The following CEP112 variants were observed in gnomAD, a reference collection of about 807,000 sequenced individuals.
CEP112 encodes centrosomal protein of 112 kDa.
CEP112 carries 127 observed loss-of-function variants against 153.0 expected under a neutral mutation model. The observed-to-expected ratio is 0.83, with a 90% CI of 0.72 to 0.96. The LOEUF (loss-of-function observed/expected upper bound fraction) is 0.96, where lower values mean the gene tolerates loss of function less well. CEP112 is among the 40% of genes least tolerant of loss of function. The pLI is 0.00. For synonymous variants in CEP112, 358 were observed against 374.4 expected, an observed-to-expected ratio of 0.96 and a Z score of 0.51; for missense variants, 1,089 against 1,101.2, an observed-to-expected ratio of 0.99 and a Z score of 0.16.
chr17:65,979,588 AATT>A (rs1217072160), intron 17 of CEP112, among the ~76,000 whole-genome samples: 2 of 152,116 alleles, frequency 1.3e-5, no homozygotes, highest in East Asian at 3.8e-4. Context: ...GTATCACACA[AATT>A]ATTATATCAA....
chr17:65,996,226 T>C (rs1327384261), intron 17 of CEP112, among the ~76,000 whole-genome samples: 1 of 151,456 alleles, frequency 6.6e-6, no homozygotes, highest in African/African-American at 2.4e-5. Flanking sequence ...ATTTGTATCT[T>C]TATAAATCAT....
At chr17:65,893,592 A>G (rs1232234280) in intron 20 of CEP112, among the ~76,000 whole-genome samples, 2 of 152,144 alleles carry the variant, frequency 1.3e-5, no homozygotes, top group African/African-American at 4.8e-5. Flanking sequence ...ACACTAACCT[A>G]CTGATTCAAT....
At chr17:66,136,619 T>A (rs2070446809) in intron 4 of CEP112, among the ~76,000 whole-genome samples, 1 of 152,164 alleles carries the variant, frequency 6.6e-6, no homozygotes, top group African/African-American at 2.4e-5. Context: ...CTTGAAGCAC[T>A]GGTGGGACGC....
chr17:65,672,531 T>C (rs147134070), intron 24 of CEP112, among the ~76,000 whole-genome samples: 49 of 152,354 alleles, frequency 3.2e-4, no homozygotes, highest in Middle Eastern at 3.4e-3. Flanking sequence ...ATTAGTACTC[T>C]TCAGAAAGGT....
chr17:65,853,242 G>C (rs547307216), intron 20 of CEP112, among the ~76,000 whole-genome samples: 1 of 152,112 alleles, frequency 6.6e-6, no homozygotes, highest in African/African-American at 2.4e-5. Flanking sequence ...CTAGCTTCTG[G>C]TATTTCCTGA....
chr17:65,848,810 T>G lies in CEP112; in HGVS notation c.2394+2994A>C, dbSNP rs557753071. On this transcript the variant is annotated intron_variant, in intron 21 of 26. Coordinates refer to ENST00000535342, the MANE Select transcript of CEP112 (RefSeq NM_001199165.4). ...ATCGATTTATATTTAACCAACCTAA[T>G]CAGTGCTATCTCTATGATGATTTTC... Among the ~76,000 whole-genome samples, 4 of 152,316 alleles carry G rather than the reference T, an allele frequency of 2.6e-5. No individual in the cohort carries two copies. The East Asian group carries it at 7.7e-4, about 29-fold the overall frequency.
intron 22 of CEP112, among the ~76,000 whole-genome samples, chr17:65,749,637 C>T (rs2051695128): frequency 1.3e-5 from 2 of 152,296 alleles, no homozygotes; most frequent in South Asian, 4.2e-4. Flanking sequence ...CACTTGCCAA[C>T]TTGTGTGATC....
intron 20 of CEP112, among the ~76,000 whole-genome samples, chr17:65,854,915 T>C (rs1489374107): frequency 6.6e-6 from 1 of 152,176 alleles, no homozygotes; most frequent in East Asian, 1.9e-4. Flanking sequence ...AGATAGACTT[T>C]AGCAGTGACA....
At chr17:66,101,092 T>C (rs2068550622) in intron 6 of CEP112, among the ~76,000 whole-genome samples, 1 of 152,110 alleles carries the variant, frequency 6.6e-6, no homozygotes, top group African/African-American at 2.4e-5. Context: ...GAGTATAATA[T>C]AAAAGTCCAA....
chr17:65,847,260 T>C (rs755031264), intron 21 of CEP112, among the ~76,000 whole-genome samples: 1 of 152,188 alleles, frequency 6.6e-6, no homozygotes, highest in Non-Finnish European at 1.5e-5. Context: ...CTGGGATCCC[T>C]TGTGTTCTCA....
chr17:65,893,731 T>A (rs1267331213), intron 20 of CEP112, among the ~76,000 whole-genome samples: 3 of 152,158 alleles, frequency 2.0e-5, no homozygotes, highest in Non-Finnish European at 2.9e-5. Flanking sequence ...CATACAGTGC[T>A]GTGTTCTCTT....
At chr17:65,681,737 A>C (rs2047541794) in intron 24 of CEP112, among the ~76,000 whole-genome samples, 1 of 146,718 alleles carries the variant, frequency 6.8e-6, no homozygotes, top group South Asian at 2.2e-4. Flanking sequence ...ACAGTGGTGC[A>C]ATCTTGGCTC....
chr17:65,725,780 G>A (rs762316859), intron 23 of CEP112, among the ~76,000 whole-genome samples: 5 of 152,154 alleles, frequency 3.3e-5, no homozygotes, highest in South Asian at 2.1e-4. Context: ...ATTAGATCTT[G>A]TGAGACTTAT....
At chr17:65,820,862 A>T (rs1338612634) in intron 21 of CEP112, among the ~76,000 whole-genome samples, 1 of 152,130 alleles carries the variant, frequency 6.6e-6, no homozygotes. Flanking sequence ...TAACATAAGC[A>T]ATTGTCACAA....
intron 10 of CEP112, among the ~76,000 whole-genome samples, 200 bp from the exon 11 acceptor site, chr17:66,063,281 T>C (rs1348155581): frequency 1.3e-5 from 2 of 152,212 alleles, no homozygotes; most frequent in East Asian, 1.9e-4. Context: ...TCATCATTAC[T>C]GGCTCCCTAG....
chr17:66,076,700 C>T (rs149619201), intron 8 of CEP112, among the ~76,000 whole-genome samples: 84 of 152,284 alleles, frequency 5.5e-4, no homozygotes, highest in African/African-American at 1.9e-3. Flanking sequence ...CTCCATAGTA[C>T]CACAGCTGAT....
chr17:65,692,966 T>C (rs889518318), intron 23 of CEP112, among the ~76,000 whole-genome samples: 7 of 152,238 alleles, frequency 4.6e-5, no homozygotes, highest in African/African-American at 1.4e-4. Context: ...AAGGTGATTA[T>C]GTGTCCTGAG....
intron 21 of CEP112, among the ~76,000 whole-genome samples, chr17:65,803,267 C>T (rs542373251): frequency 5.3e-5 from 8 of 152,304 alleles, no homozygotes; most frequent in South Asian, 2.1e-4. Context: ...ATTCAGTTAA[C>T]GAGCCTCCAA....
chr17:66,067,442 A>G (rs930196378), intron 9 of CEP112, among the ~76,000 whole-genome samples: 2 of 152,174 alleles, frequency 1.3e-5, no homozygotes, highest in Non-Finnish European at 2.9e-5. Context: ...TTCTCTTCAC[A>G]TATTTTTCTT....
Sources: allele counts gnomAD v4.1 joint callset (sites outside exome capture counted in the v4.1 genomes callset), GRCh38; gene constraint gnomAD v4.1.1; transcripts MANE v1.5; gene names NCBI Gene and HGNC (gene_info 2026-07-23, HGNC 2026-07-21).